Variants in KCNAB1 observed in about 807,000 individuals in gnomAD.
KCNAB1 encodes voltage-gated potassium channel subunit beta-1.
KCNAB1 carries 35 observed loss-of-function variants against 64.6 expected under a neutral mutation model. The ratio of observed to expected loss-of-function variants is 0.54; its 90% CI spans 0.41 to 0.72. KCNAB1 has a LOEUF of 0.72. Ranked by LOEUF, KCNAB1 falls within the 30% of genes least tolerant of loss-of-function variation. KCNAB1 has a pLI of 0.00. For synonymous variants in KCNAB1, 177 were observed against 183.8 expected, an observed-to-expected ratio of 0.96 and a Z score of 0.30; for missense variants, 401 against 512.9, an observed-to-expected ratio of 0.78 and a Z score of 2.11.
chr3:156,457,245 C>T, intron 3 of KCNAB1: 1 of 1,363,578 alleles, frequency 7.3e-7, no homozygotes, highest in South Asian at 1.7e-5. Context: ...TCAAGTAACC[C>T]CTCAGTGCCC....
At chr3:156,169,739 G>A (rs4076087) in intron 1 of KCNAB1, among the ~76,000 whole-genome samples, 4 of 152,012 alleles carry the variant, frequency 2.6e-5, no homozygotes, top group African/African-American at 9.7e-5. Flanking sequence ...CCCCACTTGC[G>A]CTCTTTCTCT....
intron 1 of KCNAB1, among the ~76,000 whole-genome samples, chr3:156,155,211 T>G (rs1160020343): frequency 6.6e-6 from 1 of 152,124 alleles, no homozygotes; most frequent in Non-Finnish European, 1.5e-5. Context: ...CTATCCCCCC[T>G]GCCCTGCCAC....
chr3:156,220,256 T>C lies in KCNAB1; in HGVS notation c.275+99370T>C, dbSNP rs561777881. Among the ~76,000 whole-genome samples the C allele has an allele frequency of 3.3e-5, 5 of 152,288 alleles. No homozygotes were observed. In the East Asian group the frequency reaches 9.6e-4, roughly 29 times the overall value. ...ACAGTAATGGGATCACTGGGTCAAA[T>C]GGTATTTCTAGTTCTAGATCCTTGA... On this transcript the variant is annotated intron_variant, in intron 1 of 13. Transcript: ENST00000490337.
intron 1 of KCNAB1, among the ~76,000 whole-genome samples, chr3:156,335,562 A>G (rs1318164611): frequency 2.0e-5 from 3 of 152,256 alleles, no homozygotes; most frequent in Admixed American, 6.5e-5. Flanking sequence ...ATTATTTGTT[A>G]AACATATTAA....
rs145662532 is a variant in KCNAB1 at position 156,238,134 on chromosome 3, G to A, written c.275+117248G>A. Reference sequence around the variant, plus strand: ...CAGACAAAGCAGGATGTTTAAAAATGGGTTGCCGGCCGGGCGTGGTGGCTC... The same window carrying A: ...CAGACAAAGCAGGATGTTTAAAAATAGGTTGCCGGCCGGGCGTGGTGGCTC... On this transcript the variant is annotated intron_variant, in intron 1 of 13. Coordinates refer to ENST00000490337, the MANE Select transcript of KCNAB1 (RefSeq NM_172160.3). Among the ~76,000 whole-genome samples the A allele has an allele frequency of 1.2e-4, 19 of 152,290 alleles. No homozygotes were observed. The East Asian group carries it at 3.5e-3, about 28-fold the overall frequency.
chr3:156,357,174 CA>C (rs1725308770), intron 1 of KCNAB1, among the ~76,000 whole-genome samples: 6 of 152,112 alleles, frequency 3.9e-5, no homozygotes, highest in African/African-American at 1.4e-4. Flanking sequence ...CACACACACA[CA>C]CACACACACA....
chr3:156,152,440 G>C (rs1302837272), intron 1 of KCNAB1, among the ~76,000 whole-genome samples: 2 of 152,336 alleles, frequency 1.3e-5, no homozygotes, highest in Non-Finnish European at 1.5e-5. Flanking sequence ...TCAGAGTGAC[G>C]GGAGTATGGA....
At chr3:156,145,072 C>CAT (rs1714960694) in intron 1 of KCNAB1, among the ~76,000 whole-genome samples, 1 of 152,134 alleles carries the variant, frequency 6.6e-6, no homozygotes, top group South Asian at 2.1e-4. Flanking sequence ...CCATACTCCC[C>CAT]ATAGGTTTTG....
intron 8 of KCNAB1, among the ~76,000 whole-genome samples, chr3:156,492,433 T>G (rs6784889): frequency 6.6e-6 from 1 of 151,904 alleles, no homozygotes; most frequent in Admixed American, 6.6e-5. Flanking sequence ...TCATTCCACT[T>G]TTTTTTAGCA....
chr3:156,310,952 C>A (rs564441035), intron 1 of KCNAB1, among the ~76,000 whole-genome samples: 2 of 152,318 alleles, frequency 1.3e-5, no homozygotes, highest in African/African-American at 4.8e-5. Flanking sequence ...AGGACTGGAA[C>A]TCTCCATGGG....
intron 1 of KCNAB1, among the ~76,000 whole-genome samples, chr3:156,393,748 A>G (rs1360930797): frequency 2.0e-5 from 3 of 152,158 alleles, no homozygotes; most frequent in Non-Finnish European, 4.4e-5. Flanking sequence ...CCCTCTTTCT[A>G]GGGAGGGTTG....
At position 156,194,943 on chromosome 3, in the gene KCNAB1, C is replaced by G. The variant is rs143395222; in HGVS notation, c.275+74057C>G. On this transcript the variant is annotated intron_variant, in intron 1 of 13. Transcript: ENST00000490337. ...TAATGCTCTCCCTCTCCTTTCCCCC[C>G]ACCCCCAACAGGCCCGGGTATGTGA... Among the ~76,000 whole-genome samples the G allele has an allele frequency of 9.0e-3, 1,367 of 152,136 alleles. 34 individuals are homozygous for G. Among genetic ancestry groups the G allele is most frequent in the African/African-American group, 0.03 (1,265 of 41,476 alleles).
intron 1 of KCNAB1, among the ~76,000 whole-genome samples, chr3:156,298,865 G>GT (rs1309143892): frequency 2.0e-5 from 3 of 152,110 alleles, no homozygotes; most frequent in Non-Finnish European, 2.9e-5. Context: ...TTTGTAACCA[G>GT]TTTTTCACTT....
rs187520924 is a variant in KCNAB1 at position 156,164,565 on chromosome 3, A to G, written c.275+43679A>G. 4.6e-5 allele frequency among the ~76,000 whole-genome samples: 7 copies of G among 152,336 alleles called. No individual in the cohort carries two copies. The East Asian group carries it at 1.3e-3, about 29-fold the overall frequency. On this transcript the variant is annotated intron_variant, in intron 1 of 13. Transcript: ENST00000490337. ...TGGTGCATCAGCTATTTATTTGCCC[A>G]GAAGAAAGGCAAATGTAACACAAAA...
In KCNAB1 at chr3:156,459,842, G is replaced by A. The variant is rs763080682; in HGVS notation, c.453G>A (p.Leu151=). 5 of 1,610,460 alleles carry A rather than the reference G, an allele frequency of 3.1e-6. No homozygotes were observed. The highest frequency in any genetic ancestry group is 2.5e-6 in the Non-Finnish European group (3 of 1,177,128). Residue 151 remains leucine, a synonymous_variant, in exon 5 of 14, where the codon CTG becomes CTA. Coordinates refer to ENST00000490337, the MANE Select transcript of KCNAB1 (RefSeq NM_172160.3). The part of the protein sequence containing the change: ...VYAAGKAEVI[L]GSIIKKKGWR... ...CCCCTTCCAGGGCTGAAGTGATTCT[G>A]GGGAGCATCATCAAGAAGAAAGGCT...
At chr3:156,375,168 T>C (rs2108135007) in intron 1 of KCNAB1, among the ~76,000 whole-genome samples, 1 of 135,960 alleles carries the variant, frequency 7.4e-6, no homozygotes, top group African/African-American at 3.3e-5. Flanking sequence ...ATATTCATAG[T>C]CCAACTTTCT....
At chr3:156,128,218 A>G (rs1323594323) in intron 1 of KCNAB1, among the ~76,000 whole-genome samples, 1 of 152,212 alleles carries the variant, frequency 6.6e-6, no homozygotes, top group Non-Finnish European at 1.5e-5. Context: ...TCTGTAAAAT[A>G]ATGAGACTAG....
At chr3:156,298,289 T>G (rs1467898092) in intron 1 of KCNAB1, among the ~76,000 whole-genome samples, 2 of 152,210 alleles carry the variant, frequency 1.3e-5, no homozygotes, top group African/African-American at 4.8e-5. Flanking sequence ...TGTGTGTGTG[T>G]GCATGCATGC....
chr3:156,144,242 G>T (rs2108284408), intron 1 of KCNAB1, among the ~76,000 whole-genome samples: 1 of 152,272 alleles, frequency 6.6e-6, no homozygotes, highest in East Asian at 1.9e-4. Flanking sequence ...TGTAAGAACA[G>T]TTGTCCTAGC....
Sources: allele counts gnomAD v4.1 joint callset (sites outside exome capture counted in the v4.1 genomes callset), GRCh38; gene constraint gnomAD v4.1.1; transcripts MANE v1.5; gene names NCBI Gene and HGNC (gene_info 2026-07-23, HGNC 2026-07-21).